The following RAD52 variants were observed in gnomAD, a reference collection of about 807,000 sequenced individuals.
The protein encoded by RAD52 is DNA repair protein RAD52 homolog.
In RAD52, 47 loss-of-function variants were observed where a neutral mutation model predicts 55.5. The observed-to-expected ratio is 0.85, with a 90% CI of 0.67 to 1.08. The LOEUF (loss-of-function observed/expected upper bound fraction) is 1.08. Among genes scored for constraint, RAD52 ranks in the 50% least tolerant of loss-of-function variants. The probability of loss-of-function intolerance (pLI) is 0.00; values close to 1 mark genes in which losing one functional copy is unlikely to be tolerated. For missense variants in RAD52, 468 were observed against 522.8 expected, an observed-to-expected ratio of 0.90 and a Z score of 1.02; for synonymous variants, 184 against 198.9, an observed-to-expected ratio of 0.92 and a Z score of 0.63.
rs2301882 is a variant in RAD52 at position 925,777 on chromosome 12, C to A, written c.468-252G>T. 7.4e-3 allele frequency among the ~76,000 whole-genome samples: 1,123 copies of A among 152,098 alleles called. 11 individuals carry two copies. Among genetic ancestry groups the A allele is most frequent in the African/African-American group, 0.026 (1,067 of 41,488 alleles). ...AGAGAAGATGAGTATGAAAAGATTA[C>A]GGCGCCATTCACAAAACCCACCAGC... On this transcript the variant is annotated intron_variant, in intron 6 of 11. Transcript: ENST00000358495.
chr12:922,191 T>A (rs1478037442), intron 7 of RAD52, among the ~76,000 whole-genome samples: 2 of 81,674 alleles, frequency 2.4e-5, no homozygotes, highest in Non-Finnish European at 2.2e-5. Flanking sequence ...TAGGTTGGCT[T>A]AAAAAAAAAA....
At chr12:949,195 T>C (rs1958428000) in intron 1 of RAD52, among the ~76,000 whole-genome samples, 1 of 152,042 alleles carries the variant, frequency 6.6e-6, no homozygotes, top group South Asian at 2.1e-4. Context: ...CGGCGTCAAA[T>C]TCCTTTTAAA....
At position 940,228 on chromosome 12, in the gene RAD52, T is replaced by C. The variant is rs564239367; in HGVS notation, c.-18-7152A>G. 3.3e-5 allele frequency among the ~76,000 whole-genome samples: 5 copies of C among 152,188 alleles called. No homozygotes were observed. The East Asian group carries it at 7.7e-4, about 24-fold the overall frequency. ...AAGGGAAGGTCGGGTAGAGACACTT[T>C]TAAACACATGCAGAACTTGATGAGG... is the stretch of plus-strand genomic sequence containing the variant. On this transcript the variant is annotated intron_variant, in intron 1 of 11. Coordinates refer to ENST00000358495, the MANE Select transcript of RAD52 (RefSeq NM_134424.4).
upstream of RAD52, among the ~76,000 whole-genome samples, chr12:953,426 A>G (rs1409043808): frequency 2.0e-5 from 3 of 152,212 alleles, no homozygotes; most frequent in Non-Finnish European, 2.9e-5. Context: ...GCCACCGGAA[A>G]CTGGAAGAGG....
chr12:973,464 T>C (rs923886819), intron 1 of RAD52, among the ~76,000 whole-genome samples: 2 of 151,528 alleles, frequency 1.3e-5, no homozygotes, highest in Non-Finnish European at 2.9e-5. Flanking sequence ...GGACATAATC[T>C]AAAGGTAGAT....
upstream of RAD52, among the ~76,000 whole-genome samples, chr12:951,209 C>T (rs1445598708): frequency 6.6e-6 from 1 of 152,136 alleles, no homozygotes; most frequent in African/African-American, 2.4e-5. Flanking sequence ...AACTCCTGGG[C>T]TCAAGTGATC....
chr12:947,134 G>A lies in RAD52; in HGVS notation c.-19+2468C>T, dbSNP rs564251012. On this transcript the variant is annotated intron_variant, in intron 1 of 11. Coordinates refer to ENST00000358495, the MANE Select transcript of RAD52 (RefSeq NM_134424.4). ...CTGAGGTAGGGAGTTCGAGACCAGC[G>A]TAACCAACATGGAGAAACCCCTTCT... Among the ~76,000 whole-genome samples, 23 of 149,268 alleles carry A rather than the reference G, an allele frequency of 1.5e-4. No homozygotes were observed. The South Asian group carries it at 4.5e-3, about 29-fold the overall frequency.
intron 5 of RAD52, among the ~76,000 whole-genome samples, chr12:928,270 T>C (rs1015724883): frequency 6.6e-6 from 1 of 152,088 alleles, no homozygotes; most frequent in Non-Finnish European, 1.5e-5. Flanking sequence ...CCAGCACTTT[T>C]GGAGGCCAAG....
In RAD52 at chr12:930,095, A is replaced by G; in HGVS notation, c.236T>C (p.Phe79Ser). The change falls in exon 4 of 12, where the codon TTT becomes TCT. Residue 79 changes from phenylalanine (F) to serine (S), a missense_variant. Coordinates refer to ENST00000358495, the MANE Select transcript of RAD52 (RefSeq NM_134424.4). ...HRVINLANEMFGYNGWAHSIT... is the reference protein window; with the variant it reads ...HRVINLANEMSGYNGWAHSIT... ...GGAGTGTGCCCAGCCATTGTAACCA[A>G]ACATCTCATTGGCCAGATTAATTAC... The G allele has an allele frequency of 6.2e-7, 1 of 1,614,034 alleles. No homozygotes were observed. Among genetic ancestry groups the G allele is most frequent in the Non-Finnish European group, 8.5e-7 (1 of 1,179,960 alleles).
intron 1 of RAD52, among the ~76,000 whole-genome samples, chr12:935,380 CTTTT>C (rs34383735): frequency 7.8e-6 from 1 of 128,494 alleles, no homozygotes; most frequent in Admixed American, 8.1e-5. Context: ...ACCTGTGAAT[CTTTT>C]TTTTTTTTTT....
chr12:925,742 C>T (rs1956997832), intron 6 of RAD52, among the ~76,000 whole-genome samples: 1 of 152,154 alleles, frequency 6.6e-6, no homozygotes, highest in Admixed American at 6.6e-5. Context: ...ACACAAGTCC[C>T]TGCCCTCACA....
intron 5 of RAD52, among the ~76,000 whole-genome samples, chr12:927,948 A>G (rs1592364156): frequency 6.6e-6 from 1 of 152,146 alleles, no homozygotes; most frequent in South Asian, 2.1e-4. Flanking sequence ...GGGAGAGCAA[A>G]CCCTTTGTAA....
chr12:926,885 T>A, intron 6 of RAD52: 2 of 1,536,014 alleles, frequency 1.3e-6, no homozygotes, highest in Non-Finnish European at 1.7e-6. Flanking sequence ...CCGGCACACA[T>A]GACTGAGTGC....
chr12:980,199 G>C (rs75003760), intron 1 of RAD52, among the ~76,000 whole-genome samples: 168 of 152,114 alleles, frequency 1.1e-3, no homozygotes, highest in African/African-American at 3.5e-3. Context: ...TGGCCAGCGG[G>C]GGGTGGAAGG....
intron 9 of RAD52, among the ~76,000 whole-genome samples, chr12:915,829 C>G (rs1209982970): frequency 6.6e-6 from 1 of 152,136 alleles, no homozygotes; most frequent in Non-Finnish European, 1.5e-5. Flanking sequence ...GCAATTCTGC[C>G]TCAGCCTCCC....
chr12:957,122 C>T (rs1958617079), intron 1 of RAD52, among the ~76,000 whole-genome samples: 1 of 151,938 alleles, frequency 6.6e-6, no homozygotes, highest in Admixed American at 6.6e-5. Context: ...TTAAAAAAGC[C>T]AAATAAGAAA....
At chr12:930,595 T>C (rs1957275780) in intron 3 of RAD52, among the ~76,000 whole-genome samples, 1 of 152,014 alleles carries the variant, frequency 6.6e-6, no homozygotes, top group Non-Finnish European at 1.5e-5. Flanking sequence ...TATGCAATTA[T>C]TATGTGTCAA....
At chr12:951,137 A>G (rs1958518061), upstream of RAD52, among the ~76,000 whole-genome samples, 1 of 152,150 alleles carries the variant, frequency 6.6e-6, no homozygotes. Flanking sequence ...CAGGGTCTCA[A>G]GCTATCAAGC....
chr12:913,455 A>G lies in RAD52; in HGVS notation c.1196-3T>C, dbSNP rs1455736477. On this transcript the variant is annotated splice_region_variant and splice_polypyrimidine_tract_variant and intron_variant, in intron 11 of 11. Coordinates refer to ENST00000358495, the MANE Select transcript of RAD52 (RefSeq NM_134424.4). ...CTTCCTATGAGATTCCCAGTTTCCTATGGAAGACAAAATGGCTTAAATGTA... is the reference window on the plus strand; with the variant it reads ...CTTCCTATGAGATTCCCAGTTTCCTGTGGAAGACAAAATGGCTTAAATGTA... The G allele has an allele frequency of 1.0e-5, 16 of 1,592,784 alleles. No individual in the cohort carries two copies. The East Asian group carries it at 1.6e-4, about 16-fold the overall frequency.
Sources: gnomAD v4.1 joint callset for allele counts (sites outside exome capture counted in the v4.1 genomes callset) on GRCh38, gnomAD v4.1.1 for gene constraint, MANE v1.5 for transcripts, NCBI Gene and HGNC (gene_info 2026-07-23, HGNC 2026-07-21) for gene names.